The following ENTREP2 variants were observed in gnomAD, a reference collection of about 807,000 sequenced individuals.
ENTREP2 encodes endosomal transmembrane epsin interactor 2.
At chr15:29,658,398 C>G in the ENTREP2 span, among the ~76,000 whole-genome samples, 1 of 152,142 alleles carries the variant, frequency 6.6e-6, no homozygotes, top group African/African-American at 2.4e-5. Context: ...ATTACCCAGT[C>G]TCGAGTATGT....
the ENTREP2 span, chr15:29,570,796 G>A: frequency 8.0e-6 from 5 of 625,176 alleles, no homozygotes; most frequent in African/African-American, 4.1e-5. Flanking sequence ...CTCACAGAGG[G>A]TCCGAGGCAA....
At chr15:29,404,687 C>T in the ENTREP2 span, among the ~76,000 whole-genome samples, 1 of 151,968 alleles carries the variant, frequency 6.6e-6, no homozygotes, top group Non-Finnish European at 1.5e-5. Flanking sequence ...TGGCTCCATC[C>T]TCCAGGGTAC....
the ENTREP2 span, among the ~76,000 whole-genome samples, chr15:29,373,428 G>A: frequency 6.6e-6 from 1 of 152,138 alleles, no homozygotes; most frequent in African/African-American, 2.4e-5. Context: ...AAATTAGTTT[G>A]GGTTTGGAGT....
chr15:29,630,741 G>A, the ENTREP2 span, among the ~76,000 whole-genome samples: 2 of 152,192 alleles, frequency 1.3e-5, no homozygotes, highest in Non-Finnish European at 2.9e-5. Context: ...AGGCTGGAGT[G>A]CAGTGGCATG....
the ENTREP2 span, among the ~76,000 whole-genome samples, chr15:29,576,486 G>C: frequency 6.6e-6 from 1 of 152,190 alleles, no homozygotes; most frequent in Non-Finnish European, 1.5e-5. Context: ...CTTCATCAAA[G>C]TTAAACACTT....
At chr15:29,155,184 A>T in the ENTREP2 span, among the ~76,000 whole-genome samples, 3 of 152,052 alleles carry the variant, frequency 2.0e-5, no homozygotes, top group Admixed American at 2.0e-4. Context: ...TGGGAGGCTG[A>T]GGCAGGAGAA....
At chr15:29,166,742 C>T in the ENTREP2 span, among the ~76,000 whole-genome samples, 1,397 of 152,082 alleles carry the variant, frequency 9.2e-3, 20 homozygotes, top group African/African-American at 0.031. Context: ...ATGACCATAC[C>T]AGCAAAAGCA....
chr15:29,464,824 G>A, the ENTREP2 span, among the ~76,000 whole-genome samples: 8 of 152,140 alleles, frequency 5.3e-5, no homozygotes, highest in African/African-American at 1.4e-4. Flanking sequence ...GATGCAGGAC[G>A]GGGAACTTGT....
At chr15:29,642,602 TATAC>T in the ENTREP2 span, among the ~76,000 whole-genome samples, 2 of 149,306 alleles carry the variant, frequency 1.3e-5, no homozygotes, top group African/African-American at 4.9e-5. Flanking sequence ...AGTGTATATG[TATAC>T]ATACATACAT....
the ENTREP2 span, among the ~76,000 whole-genome samples, chr15:29,509,504 T>C: frequency 5.9e-5 from 9 of 152,106 alleles, no homozygotes; most frequent in South Asian, 2.1e-4. Flanking sequence ...CTTCAAACTA[T>C]ACTACAAGAC....
the ENTREP2 span, among the ~76,000 whole-genome samples, chr15:29,404,242 C>T: frequency 1.3e-5 from 2 of 152,074 alleles, no homozygotes; most frequent in African/African-American, 4.8e-5. Context: ...GCCCCTCACT[C>T]ATCACCTATG....
chr15:29,130,161 G>C, the ENTREP2 span, among the ~76,000 whole-genome samples: 5 of 152,166 alleles, frequency 3.3e-5, no homozygotes, highest in Non-Finnish European at 7.3e-5. Context: ...CGTGGGGCTC[G>C]AGAGGTGGTT....
At chr15:29,269,766 G>C in the ENTREP2 span, 2 of 1,392,076 alleles carry the variant, frequency 1.4e-6, no homozygotes, top group Non-Finnish European at 1.9e-6. Flanking sequence ...CGGGGATTGC[G>C]GGTCGGCGAC....
At chr15:29,124,050 G>C in the ENTREP2 span, among the ~76,000 whole-genome samples, 4 of 152,214 alleles carry the variant, frequency 2.6e-5, no homozygotes, top group East Asian at 7.8e-4. Flanking sequence ...TCTGCCTTAA[G>C]ACCAGAACTG....
chr15:29,253,442 GTCTC>G, the ENTREP2 span, among the ~76,000 whole-genome samples: 8 of 135,492 alleles, frequency 5.9e-5, no homozygotes, highest in African/African-American at 1.8e-4. Flanking sequence ...GGCAAATATT[GTCTC>G]TCTCTCTTTT....
chr15:29,217,723 T>C, the ENTREP2 span, among the ~76,000 whole-genome samples: 3 of 149,430 alleles, frequency 2.0e-5, no homozygotes, highest in East Asian at 5.8e-4. Flanking sequence ...CCCTGATTTG[T>C]TTAATAACTA....
At chr15:29,239,768 C>T in the ENTREP2 span, among the ~76,000 whole-genome samples, 3,991 of 152,220 alleles carry the variant, frequency 0.026, 191 homozygotes, top group African/African-American at 0.091. Context: ...ATACTTTTCC[C>T]GTTTACATGC....
the ENTREP2 span, among the ~76,000 whole-genome samples, chr15:29,466,959 G>C: frequency 7.2e-6 from 1 of 139,210 alleles, no homozygotes; most frequent in Non-Finnish European, 1.6e-5. Flanking sequence ...GGAGGGCCCA[G>C]GGGAGGATGC....
At chr15:29,371,227 G>C in the ENTREP2 span, among the ~76,000 whole-genome samples, 3 of 151,944 alleles carry the variant, frequency 2.0e-5, no homozygotes. Flanking sequence ...AGTGGATCTT[G>C]CCAGTCAGCA....
Sources: gnomAD v4.1 joint callset for allele counts (sites outside exome capture counted in the v4.1 genomes callset) on GRCh38, gnomAD v4.1.1 for gene constraint, MANE v1.5 for transcripts, NCBI Gene and HGNC (gene_info 2026-07-23, HGNC 2026-07-21) for gene names.